Variants in TMEM132B observed in about 807,000 individuals in gnomAD.
TMEM132B encodes the protein transmembrane protein 132B.
A neutral mutation model predicts 90.8 loss-of-function variants in TMEM132B; 18 were observed. The observed-to-expected ratio is 0.20, with a 90% CI of 0.14 to 0.29. The LOEUF is 0.29. TMEM132B is among the 10% of genes least tolerant of loss of function. The pLI is 1.00. For synonymous variants in TMEM132B, 504 were observed against 523.3 expected (o/e 0.96, Z 0.50); for missense variants, 1,096 against 1,326.8 (o/e 0.83, Z 2.70).
chr12:125,536,013 A>G lies in TMEM132B; in HGVS notation c.1293+16388A>G, dbSNP rs532343378. 3.9e-4 allele frequency among the ~76,000 whole-genome samples: 59 copies of G among 152,330 alleles called. 1 individual carries two copies. The highest frequency in any genetic ancestry group is 1.3e-3 in the African/African-American group (52 of 41,582). On this transcript the variant is annotated intron_variant, in intron 4 of 8. Coordinates refer to ENST00000682704, the MANE Select transcript of TMEM132B (RefSeq NM_001366854.1). ...AATTCCCCCATGAAAAGCAGCCACA[A>G]CAAGCCAGGATTGCTTCTGCAGGGA...
At chr12:125,474,889 T>C (rs1881829903) in intron 3 of TMEM132B, among the ~76,000 whole-genome samples, 1 of 152,238 alleles carries the variant, frequency 6.6e-6, no homozygotes, top group African/African-American at 2.4e-5. Context: ...GGCTCACTTC[T>C]GGTCTTGCAA....
chr12:125,544,163 G>A (rs1470675069), intron 4 of TMEM132B, among the ~76,000 whole-genome samples: 1 of 152,098 alleles, frequency 6.6e-6, no homozygotes, highest in African/African-American at 2.4e-5. Context: ...AACACATGGA[G>A]GGGAACAACA....
intron 2 of TMEM132B, among the ~76,000 whole-genome samples, chr12:125,384,385 G>A (rs1432224442): frequency 1.3e-5 from 2 of 151,960 alleles, no homozygotes; most frequent in African/African-American, 4.8e-5. Context: ...TTGTTTCTAT[G>A]TTTTAAAATT....
At chr12:125,559,361 T>C (rs970892794) in intron 4 of TMEM132B, among the ~76,000 whole-genome samples, 15 of 152,200 alleles carry the variant, frequency 9.9e-5, no homozygotes. Flanking sequence ...TGAGACCTCG[T>C]CTTCCCCTCC....
chr12:125,452,617 T>C (rs1881185308), intron 3 of TMEM132B, among the ~76,000 whole-genome samples: 1 of 152,248 alleles, frequency 6.6e-6, no homozygotes, highest in South Asian at 2.1e-4. Context: ...GTTCTCATTT[T>C]TCCACAGCCT....
intron 2 of TMEM132B, among the ~76,000 whole-genome samples, chr12:125,385,069 A>G (rs543608805): frequency 6.6e-6 from 1 of 152,208 alleles, no homozygotes; most frequent in African/African-American, 2.4e-5. Flanking sequence ...ATTCCACATA[A>G]AAGTGAGATC....
intron 5 of TMEM132B, among the ~76,000 whole-genome samples, chr12:125,638,727 G>T (rs1886552628): frequency 6.6e-6 from 1 of 152,168 alleles, no homozygotes; most frequent in Non-Finnish European, 1.5e-5. Context: ...GGCAAACACA[G>T]AGGGTGGCTG....
At position 125,607,014 on chromosome 12, in the gene TMEM132B, G is replaced by A. The variant is rs548099108; in HGVS notation, c.1437+23020G>A. Among the ~76,000 whole-genome samples the A allele has an allele frequency of 2.6e-5, 4 of 152,258 alleles. No homozygotes were observed. The South Asian group carries it at 8.3e-4, about 32-fold the overall frequency. ...CTGGAAGTCCCTGGACTATTGCTAG[G>A]AGTAGTCTTGGACACCCGGGAGTCC... is the stretch of plus-strand genomic sequence containing the variant. On this transcript the variant is annotated intron_variant, in intron 5 of 8. Transcript: ENST00000682704.
chr12:125,511,353 C>T (rs1293189404), intron 3 of TMEM132B, among the ~76,000 whole-genome samples: 4 of 152,060 alleles, frequency 2.6e-5, no homozygotes, highest in East Asian at 1.9e-4. Flanking sequence ...CATAAGGATA[C>T]GAAGGTGTTT....
At chr12:125,394,685 T>G (rs1453974792) in intron 2 of TMEM132B, among the ~76,000 whole-genome samples, 1 of 152,230 alleles carries the variant, frequency 6.6e-6, no homozygotes, top group African/African-American at 2.4e-5. Flanking sequence ...CAAGTATTCA[T>G]TTGGCTATGA....
chr12:125,463,980 A>T (rs1313067812), intron 3 of TMEM132B, among the ~76,000 whole-genome samples: 2 of 152,100 alleles, frequency 1.3e-5, no homozygotes, highest in African/African-American at 4.8e-5. Flanking sequence ...TAAAACCATC[A>T]GCTCTCATGA....
At chr12:125,506,075 C>G (rs12301025) in intron 3 of TMEM132B, among the ~76,000 whole-genome samples, 3 of 152,176 alleles carry the variant, frequency 2.0e-5, no homozygotes, top group Non-Finnish European at 4.4e-5. Flanking sequence ...ATGTTTACAA[C>G]AGCATATTCA....
chr12:125,281,967 G>T (rs1218103812), intron 1 of TMEM132B, among the ~76,000 whole-genome samples: 1 of 146,692 alleles, frequency 6.8e-6, no homozygotes, highest in Non-Finnish European at 1.5e-5. Flanking sequence ...GGCGGAGGTT[G>T]CAGTGAGCCG....
At chr12:125,570,337 A>G (rs1884761745) in intron 4 of TMEM132B, among the ~76,000 whole-genome samples, 1 of 152,168 alleles carries the variant, frequency 6.6e-6, no homozygotes, top group Non-Finnish European at 1.5e-5. Context: ...CTGCATGACC[A>G]TCTTCCCTGT....
At chr12:125,454,228 A>C (rs1368681499) in intron 3 of TMEM132B, among the ~76,000 whole-genome samples, 1 of 152,222 alleles carries the variant, frequency 6.6e-6, no homozygotes, top group East Asian at 1.9e-4. Context: ...TCAGTCTGGC[A>C]TCTAAAATAA....
intron 1 of TMEM132B, among the ~76,000 whole-genome samples, chr12:125,193,418 G>A (rs1872848527): frequency 6.6e-6 from 1 of 152,198 alleles, no homozygotes; most frequent in African/African-American, 2.4e-5. Flanking sequence ...TCCAGGGCTT[G>A]TGTTCTAGGG....
At chr12:125,331,213 G>C (rs1234818873) in intron 1 of TMEM132B, among the ~76,000 whole-genome samples, 1 of 152,230 alleles carries the variant, frequency 6.6e-6, no homozygotes, top group African/African-American at 2.4e-5. Context: ...TCCCGGGTCG[G>C]TCCCCTCCTC....
At chr12:125,410,605 TGAGTGGAGTGGAGTGAGTG>T (rs1440160631) in intron 2 of TMEM132B, among the ~76,000 whole-genome samples, 1 of 5,758 alleles carries the variant, frequency 1.7e-4, no homozygotes, top group Non-Finnish European at 3.2e-4. Context: ...TGGAGTGGAG[TGAGTGGAGTGGAGTGAGTG>T]GAGTGGAGTG....
intron 1 of TMEM132B, among the ~76,000 whole-genome samples, chr12:125,291,585 G>A (rs997939409): frequency 2.6e-5 from 4 of 152,222 alleles, no homozygotes; most frequent in Middle Eastern, 3.4e-3. Flanking sequence ...TCCTCCAAGC[G>A]CAAGGACCTA....
Sources: allele counts gnomAD v4.1 joint callset (sites outside exome capture counted in the v4.1 genomes callset), GRCh38; gene constraint gnomAD v4.1.1; transcripts MANE v1.5; gene names NCBI Gene and HGNC (gene_info 2026-07-23, HGNC 2026-07-21).